Variants in KIF6 observed in about 807,000 individuals in gnomAD.
The protein encoded by KIF6 is kinesin-like protein KIF6.
In KIF6, 106 loss-of-function variants were observed where a neutral mutation model predicts 112.7. The ratio of observed to expected loss-of-function variants is 0.94; its 90% CI spans 0.80 to 1.11. KIF6 has a LOEUF of 1.11. Among genes scored for constraint, KIF6 ranks in the 50% least tolerant of loss-of-function variants. KIF6 has a pLI of 0.00. For missense variants in KIF6, 929 were observed against 964.0 expected (o/e 0.96, Z 0.48); for synonymous variants, 339 against 339.9 (o/e 1.00, Z 0.03).
intron 3 of KIF6, among the ~76,000 whole-genome samples, chr6:39,681,184 A>T (rs1787488852): frequency 6.6e-6 from 1 of 152,196 alleles, no homozygotes; most frequent in Non-Finnish European, 1.5e-5. Context: ...TGATGATCCG[A>T]TTTGAACACA....
chr6:39,353,899 TG>T, intron 19 of KIF6: 2 of 567,800 alleles, frequency 3.5e-6, no homozygotes, highest in Non-Finnish European at 3.2e-6. Flanking sequence ...TACTGCTAAG[TG>T]GAGCTAAGTG....
Position 39,342,825 on chromosome 6 carries a change from C to T in KIF6, c.2428+884G>A. ...CGGCTCTCAGTTGCGGCGCTCCATC[C>T]ATGCACAAACCTCTTCCTGCCCAAA... On this transcript the variant is annotated intron_variant, in intron 22 of 22. Transcript: ENST00000287152. The surrounding 1 kb of genome is among the most constrained non-coding windows in gnomAD (Gnocchi z 4.7). 1.0e-6 allele frequency: 1 copy of T among 985,360 alleles called. No homozygotes were observed. Among genetic ancestry groups the T allele is most frequent in the Non-Finnish European group, 1.2e-6 (1 of 829,930 alleles). 61.0% of individuals were successfully genotyped at this position (985,360 alleles called of 1,614,324 possible).
Position 39,360,314 on chromosome 6 carries a change from C to T in KIF6, c.2082+81G>A, listed in dbSNP as rs879715835. 4.6e-6 allele frequency: 7 copies of T among 1,530,504 alleles called. No individual in the cohort carries two copies. In the Admixed American group the frequency reaches 5.5e-5, roughly 12 times the overall value. The allele number at this position is 1,530,504 out of a possible 1,614,324, so 94.8% of individuals were successfully genotyped here. ...ACCATGGGGGCCTGTGGGTCAAAGCCCCCACTGTGTCTCTTGACAGCCCCA... is the reference window on the plus strand; with the variant it reads ...ACCATGGGGGCCTGTGGGTCAAAGCTCCCACTGTGTCTCTTGACAGCCCCA... On this transcript the variant is annotated intron_variant, in intron 18 of 22. Transcript: ENST00000287152.
chr6:39,369,767 T>C (rs1765828719), intron 16 of KIF6, among the ~76,000 whole-genome samples: 1 of 152,188 alleles, frequency 6.6e-6, no homozygotes, highest in Non-Finnish European at 1.5e-5. Context: ...AAGACATTCC[T>C]AATCTTATTA....
intron 15 of KIF6, among the ~76,000 whole-genome samples, chr6:39,408,484 T>C (rs1011086995): frequency 2.6e-5 from 4 of 152,220 alleles, no homozygotes; most frequent in Non-Finnish European, 5.9e-5. Flanking sequence ...TAGTTAATAG[T>C]ATTTACATAG....
chr6:39,337,034 TTTCC>T (rs1762960503), intron 22 of KIF6, among the ~76,000 whole-genome samples: 1 of 123,292 alleles, frequency 8.1e-6, no homozygotes, highest in Admixed American at 7.7e-5. Flanking sequence ...CTTCCTTTCT[TTTCC>T]TTCCTTCCTT....
intron 13 of KIF6, among the ~76,000 whole-genome samples, chr6:39,509,860 A>G (rs1381567548): frequency 6.6e-6 from 1 of 152,182 alleles, no homozygotes; most frequent in South Asian, 2.1e-4. Context: ...GCCAACATTC[A>G]AATTCAGAAA....
intron 19 of KIF6, among the ~76,000 whole-genome samples, chr6:39,347,751 C>T (rs1022130117): frequency 3.9e-5 from 6 of 152,346 alleles, no homozygotes; most frequent in Non-Finnish European, 8.8e-5. Context: ...TGACAAACTG[C>T]GTGTCTCACT....
intron 5 of KIF6, among the ~76,000 whole-genome samples, chr6:39,614,552 G>T: frequency 6.6e-6 from 1 of 152,054 alleles, no homozygotes; most frequent in East Asian, 1.9e-4. Context: ...AAATCCTAAT[G>T]GCAGGAAGAA....
chr6:39,639,628 A>G lies in KIF6; in HGVS notation c.381T>C (p.Ile127=). 1 of 1,587,360 alleles carries G rather than the reference A, an allele frequency of 6.3e-7. No individual in the cohort carries two copies. The highest frequency in any genetic ancestry group is 8.5e-7 in the Non-Finnish European group (1 of 1,169,700). The change falls in exon 4 of 23, where the codon ATT becomes ATC. Residue 127 remains isoleucine, a synonymous_variant. Transcript: ENST00000287152. ...TTCATACCTTTTGTAACTGTTCAAA[A>G]ATGTATGACAGTGTCCTTGGGATAA... ...RGIIPRTLSY[I]FEQLQKDSSK...
intron 13 of KIF6, among the ~76,000 whole-genome samples, chr6:39,449,221 G>A (rs945245363): frequency 7.2e-5 from 11 of 152,058 alleles, no homozygotes; most frequent in African/African-American, 2.2e-4. Flanking sequence ...ATATGATTAC[G>A]TCACTCTCTG....
At chr6:39,627,730 A>G (rs1318169895) in intron 5 of KIF6, among the ~76,000 whole-genome samples, 1 of 152,190 alleles carries the variant, frequency 6.6e-6, no homozygotes, top group African/African-American at 2.4e-5. Flanking sequence ...TCCTTTTTAT[A>G]GTAATAACCA....
At position 39,332,143 on chromosome 6, in the gene KIF6, C is replaced by T. The variant is rs1222841453; in HGVS notation, c.*4389G>A. The T allele has an allele frequency of 6.6e-6, 1 of 152,062 alleles. No homozygotes were observed. Among genetic ancestry groups the T allele is most frequent in the Non-Finnish European group, 1.5e-5 (1 of 68,028 alleles). 9.4% of individuals were successfully genotyped at this position (152,062 alleles called of 1,614,324 possible). A position where few individuals can be genotyped will look rare whatever the true frequency, so the allele number is the denominator to read the frequency against. ...TGTATTTTTAGTAGAGACGGGGTTTCCCCATGTTGAACAGGCTGTTCTTGA... is the reference window on the plus strand; with the variant it reads ...TGTATTTTTAGTAGAGACGGGGTTTTCCCATGTTGAACAGGCTGTTCTTGA... On this transcript the variant is annotated 3_prime_UTR_variant, in exon 23 of 23. Coordinates refer to ENST00000287152, the MANE Select transcript of KIF6 (RefSeq NM_145027.6).
intron 2 of KIF6, among the ~76,000 whole-genome samples, chr6:39,718,155 A>G (rs1789968678): frequency 6.9e-6 from 1 of 145,748 alleles, no homozygotes; most frequent in South Asian, 2.3e-4. Context: ...GCTTGAACCC[A>G]GGAAGCGGAG....
chr6:39,414,627 A>G (rs879639778), intron 15 of KIF6, among the ~76,000 whole-genome samples: 11 of 152,206 alleles, frequency 7.2e-5, no homozygotes, highest in Non-Finnish European at 1.5e-4. Context: ...ATCACGCTAC[A>G]AAGAGACTTT....
At chr6:39,441,191 A>T (rs1001706136) in intron 13 of KIF6, among the ~76,000 whole-genome samples, 1 of 152,190 alleles carries the variant, frequency 6.6e-6, no homozygotes, top group Non-Finnish European at 1.5e-5. Context: ...GATCAATCTC[A>T]GCATCTTTCC....
intron 5 of KIF6, among the ~76,000 whole-genome samples, chr6:39,634,228 A>G (rs1216265876): frequency 6.6e-6 from 1 of 152,156 alleles, no homozygotes; most frequent in Middle Eastern, 3.2e-3. Flanking sequence ...GCCAATTAAT[A>G]TATGTCTAAT....
At chr6:39,590,451 AT>A (rs58169713) in intron 7 of KIF6, among the ~76,000 whole-genome samples, 1,311 of 84,692 alleles carry the variant, frequency 0.015, 15 homozygotes, top group Admixed American at 0.026. Flanking sequence ...ATATATATAT[AT>A]TTTTTTTTTT....
chr6:39,606,620 A>C (rs1182029303), intron 6 of KIF6, among the ~76,000 whole-genome samples: 2 of 152,164 alleles, frequency 1.3e-5, no homozygotes, highest in South Asian at 2.1e-4. Flanking sequence ...TTTCACATGA[A>C]TAGGTCTGGG....
Sources: allele counts gnomAD v4.1 joint callset (sites outside exome capture counted in the v4.1 genomes callset), GRCh38; gene constraint gnomAD v4.1.1; non-coding constraint Gnocchi (gnomAD v3.1); transcripts MANE v1.5; gene names NCBI Gene and HGNC (gene_info 2026-07-23, HGNC 2026-07-21).